FOXP2: variants seen among roughly 807,000 people sequenced by gnomAD.
The protein encoded by FOXP2 is forkhead box protein P2.
FOXP2 carries 12 observed loss-of-function variants against 115.8 expected under a neutral mutation model. The ratio of observed to expected loss-of-function variants is 0.10; its 90% CI spans 0.07 to 0.17. FOXP2 has a LOEUF of 0.17. Ranked by LOEUF, FOXP2 falls within the 10% of genes least tolerant of loss-of-function variation. FOXP2 has a pLI of 1.00. For missense variants in FOXP2, 629 were observed against 843.5 expected (o/e 0.75, Z 3.15); for synonymous variants, 328 against 297.7 (o/e 1.10, Z -1.05).
chr7:114,534,455 G>C (rs570234421), intron 2 of FOXP2, among the ~76,000 whole-genome samples, 162 bp from the exon 3 acceptor site: 14 of 151,878 alleles, frequency 9.2e-5, no homozygotes, highest in African/African-American at 3.4e-4. Context: ...ATATATGTGT[G>C]TTTGGCAATT....
chr7:114,592,565 C>T (rs1482452196), intron 3 of FOXP2, among the ~76,000 whole-genome samples: 3 of 151,984 alleles, frequency 2.0e-5, no homozygotes, highest in Non-Finnish European at 2.9e-5. Flanking sequence ...TAATCCAAAT[C>T]TGTAAATATT....
intron 2 of FOXP2, among the ~76,000 whole-genome samples, chr7:114,467,433 G>C (rs938175628): frequency 2.0e-5 from 3 of 152,046 alleles, no homozygotes; most frequent in African/African-American, 7.2e-5. Flanking sequence ...AGAGAGCATC[G>C]GAAGGAAAGA....
At chr7:114,582,401 G>C (rs1801915622) in intron 3 of FOXP2, among the ~76,000 whole-genome samples, 1 of 152,048 alleles carries the variant, frequency 6.6e-6, no homozygotes, top group African/African-American at 2.4e-5. Flanking sequence ...CCTGCTTCTA[G>C]GACAAATCAT....
intron 1 of FOXP2, among the ~76,000 whole-genome samples, chr7:114,190,579 A>T (rs1793731111): frequency 1.3e-5 from 2 of 152,112 alleles, no homozygotes; most frequent in South Asian, 4.1e-4. Flanking sequence ...TAGCTTTTAT[A>T]ATCACGTGAT....
chr7:114,261,057 G>T (rs1795736998), intron 1 of FOXP2, among the ~76,000 whole-genome samples: 1 of 152,202 alleles, frequency 6.6e-6, no homozygotes, highest in Non-Finnish European at 1.5e-5. Flanking sequence ...ATGTGTATCT[G>T]TTAGAGAGCA....
At chr7:114,204,344 C>A (rs1403454634) in intron 1 of FOXP2, among the ~76,000 whole-genome samples, 1 of 152,108 alleles carries the variant, frequency 6.6e-6, no homozygotes, top group East Asian at 1.9e-4. Context: ...TGTAGCTCAA[C>A]TCAGTTTAGG....
chr7:114,635,674 GA>G (rs1292059358), intron 6 of FOXP2, among the ~76,000 whole-genome samples: 1 of 152,014 alleles, frequency 6.6e-6, no homozygotes, highest in African/African-American at 2.4e-5. Context: ...AATTCTTGTA[GA>G]ATTATTTTGT....
chr7:114,347,995 A>G (rs543580718), intron 2 of FOXP2, among the ~76,000 whole-genome samples: 2 of 152,154 alleles, frequency 1.3e-5, no homozygotes, highest in African/African-American at 4.8e-5. Flanking sequence ...CAACTACAGA[A>G]CTCAAACATT....
chr7:114,581,000 A>C (rs1234877876), intron 3 of FOXP2, among the ~76,000 whole-genome samples: 1 of 151,544 alleles, frequency 6.6e-6, no homozygotes, highest in Non-Finnish European at 1.5e-5. Flanking sequence ...CCAGCAAAGA[A>C]TGTGAATCTA....
intron 2 of FOXP2, among the ~76,000 whole-genome samples, chr7:114,292,084 A>G (rs78500994): frequency 0.032 from 4,496 of 141,844 alleles, 348 homozygotes; most frequent in African/African-American, 0.11. Context: ...TGTATAATGT[A>G]TGTATGTATT....
At chr7:114,550,165 T>C (rs1800135543) in intron 3 of FOXP2, among the ~76,000 whole-genome samples, 2 of 146,950 alleles carry the variant, frequency 1.4e-5, no homozygotes, top group Admixed American at 1.4e-4. Flanking sequence ...TCGCCCAGGC[T>C]GGAGTGCAGT....
At chr7:114,443,310 T>C (rs1228576144) in intron 2 of FOXP2, among the ~76,000 whole-genome samples, 1 of 152,182 alleles carries the variant, frequency 6.6e-6, no homozygotes, top group African/African-American at 2.4e-5. Flanking sequence ...TAAAAAAGAA[T>C]ACAAAAAAGG....
chr7:114,542,340 C>T (rs1036093007), intron 3 of FOXP2, among the ~76,000 whole-genome samples: 5 of 152,042 alleles, frequency 3.3e-5, no homozygotes, highest in African/African-American at 4.8e-5. Flanking sequence ...AAAATAAAAC[C>T]GTGCCCATTC....
intron 2 of FOXP2, among the ~76,000 whole-genome samples, chr7:114,362,410 A>T (rs1791773517): frequency 6.6e-6 from 1 of 152,044 alleles, no homozygotes; most frequent in Non-Finnish European, 1.5e-5. Context: ...GGTAGAAAAA[A>T]AACAAAAAGC....
chr7:114,580,257 A>C (rs981015382), intron 3 of FOXP2, among the ~76,000 whole-genome samples: 4 of 152,240 alleles, frequency 2.6e-5, no homozygotes, highest in African/African-American at 9.6e-5. Context: ...TAACTAGGGG[A>C]AGGATAGGAG....
chr7:114,644,721 C>A lies in FOXP2; in HGVS notation c.1026C>A (p.Leu342=), dbSNP rs1441565101. The stretch of plus-strand genomic sequence containing the variant: ...AGGAGACTGGGGCCTCTCACACTCT[C>A]TATGGCCATGGAGTTTGCAAATGGC... The part of the protein sequence containing the change: ...SHEETGASHT[L]YGHGVCKWPG... The change falls in exon 8 of 17, where the codon CTC becomes CTA. Residue 342 remains leucine, a synonymous_variant. Coordinates refer to ENST00000350908, the MANE Select transcript of FOXP2 (RefSeq NM_014491.4). 4 of 1,613,764 alleles carry A rather than the reference C, an allele frequency of 2.5e-6. No individual in the cohort carries two copies. The South Asian group carries it at 3.3e-5, about 13-fold the overall frequency.
chr7:114,367,779 G>A (rs1412096582), intron 2 of FOXP2, among the ~76,000 whole-genome samples: 5 of 152,112 alleles, frequency 3.3e-5, no homozygotes, highest in Non-Finnish European at 5.9e-5. Flanking sequence ...GTCTAAAGTC[G>A]TGGAACATCA....
At chr7:114,293,440 G>A (rs1231240575) in intron 2 of FOXP2, among the ~76,000 whole-genome samples, 1 of 152,130 alleles carries the variant, frequency 6.6e-6, no homozygotes, top group African/African-American at 2.4e-5. Flanking sequence ...CACAAACAAT[G>A]TGCAACTTCC....
At chr7:114,317,242 A>C (rs1404664801) in intron 2 of FOXP2, among the ~76,000 whole-genome samples, 1 of 152,182 alleles carries the variant, frequency 6.6e-6, no homozygotes, top group Non-Finnish European at 1.5e-5. Flanking sequence ...ACCTGTTGAG[A>C]GACAGTCACT....
Sources: allele counts gnomAD v4.1 joint callset (sites outside exome capture counted in the v4.1 genomes callset), GRCh38; gene constraint gnomAD v4.1.1; transcripts MANE v1.5; gene names NCBI Gene and HGNC (gene_info 2026-07-23, HGNC 2026-07-21).